Variants in CLEC2D observed in about 807,000 individuals in gnomAD.
CLEC2D encodes C-type lectin domain family 2 member D.
Under a neutral mutation model 20.0 loss-of-function variants are expected in CLEC2D, and 16 were observed. That is an observed-to-expected ratio of 0.80 (90% CI 0.54 to 1.22). The LOEUF is 1.22. CLEC2D is among the 50% of genes most tolerant of loss of function. The probability of loss-of-function intolerance (pLI) is 0.00; values close to 1 mark genes in which losing one functional copy is unlikely to be tolerated. For synonymous variants in CLEC2D, 77 were observed against 71.1 expected (o/e 1.08, Z -0.42); for missense variants, 207 against 221.5 (o/e 0.93, Z 0.42).
At position 9,695,409 on chromosome 12, in the gene CLEC2D, T is replaced by G; in HGVS notation, c.*535T>G. On this transcript the variant is annotated 3_prime_UTR_variant, in exon 5 of 5. Transcript: ENST00000290855. ...ATGGAAGATTCGATGGACATGGACATGAGCCCCCTGAGGCCCCAGAACTAT... is the reference window on the plus strand; with the variant it reads ...ATGGAAGATTCGATGGACATGGACAGGAGCCCCCTGAGGCCCCAGAACTAT... 6.7e-7 allele frequency: 1 copy of G among 1,484,288 alleles called. No homozygotes were observed. The highest frequency in any genetic ancestry group is 9.3e-7 in the Non-Finnish European group (1 of 1,079,108). 91.9% of individuals were successfully genotyped at this position (1,484,288 alleles called of 1,614,324 possible).
chr12:9,687,583 C>G (rs1865776174), intron 2 of CLEC2D, among the ~76,000 whole-genome samples: 1 of 152,180 alleles, frequency 6.6e-6, no homozygotes, highest in Non-Finnish European at 1.5e-5. Context: ...CAAATGCTAT[C>G]ATTAATGTAT....
chr12:9,690,897 G>A (rs1865847281), intron 3 of CLEC2D, among the ~76,000 whole-genome samples: 1 of 152,018 alleles, frequency 6.6e-6, no homozygotes, highest in Non-Finnish European at 1.5e-5. Context: ...AGTAAATCTT[G>A]TTTTAGTAAT....
chr12:9,675,103 G>T (rs1311683018), intron 1 of CLEC2D, among the ~76,000 whole-genome samples: 1 of 151,662 alleles, frequency 6.6e-6, no homozygotes, highest in Non-Finnish European at 1.5e-5. Context: ...GTTTATGAAA[G>T]ATCAGTTGAC....
chr12:9,681,382 A>C (rs1865632423), intron 2 of CLEC2D, among the ~76,000 whole-genome samples: 1 of 152,210 alleles, frequency 6.6e-6, no homozygotes, highest in African/African-American at 2.4e-5. Flanking sequence ...TGTTTCATGA[A>C]AAATAGCAAA....
chr12:9,672,420 T>C (rs114061719), intron 1 of CLEC2D, among the ~76,000 whole-genome samples: 1 of 152,320 alleles, frequency 6.6e-6, no homozygotes, highest in African/African-American at 2.4e-5. Flanking sequence ...TAACCTACAT[T>C]GGCATATTGT....
At chr12:9,670,630 C>G (rs201474680) in intron 1 of CLEC2D, among the ~76,000 whole-genome samples, 1 of 152,138 alleles carries the variant, frequency 6.6e-6, no homozygotes, top group African/African-American at 2.4e-5. Context: ...TCTTCATATA[C>G]TGTGTAATTT....
intron 2 of CLEC2D, among the ~76,000 whole-genome samples, chr12:9,686,123 T>C (rs1395760777): frequency 6.6e-6 from 1 of 151,622 alleles, no homozygotes; most frequent in African/African-American, 2.4e-5. Context: ...CCCCTTGTGC[T>C]TCCTGGGTGA....
Position 9,694,877 on chromosome 12 carries a change from G to T in CLEC2D, c.*3G>T. Reference sequence around the variant, plus strand: ...CCAAATCAGATATACATGTCTAGATGTTACAGCAAAGCCCCAACTAATCTT... The same window carrying T: ...CCAAATCAGATATACATGTCTAGATTTTACAGCAAAGCCCCAACTAATCTT... On this transcript the variant is annotated 3_prime_UTR_variant, in exon 5 of 5. Coordinates refer to ENST00000290855, the MANE Select transcript of CLEC2D (RefSeq NM_013269.6). 1.3e-6 allele frequency: 2 copies of T among 1,496,950 alleles called. No individual in the cohort carries two copies. The highest frequency in any genetic ancestry group is 2.3e-5 in the East Asian group (1 of 44,282). 92.7% of individuals were successfully genotyped at this position (1,496,950 alleles called of 1,614,324 possible).
intron 3 of CLEC2D, among the ~76,000 whole-genome samples, chr12:9,689,427 T>C (rs990639979): frequency 6.6e-5 from 10 of 151,998 alleles, no homozygotes; most frequent in Admixed American, 3.9e-4. Context: ...AATGTCCAGT[T>C]CTCAAAAAAA....
At position 9,694,963 on chromosome 12, in the gene CLEC2D, C is replaced by G; in HGVS notation, c.*89C>G. ...ATGAGCAAAGAATTTATTTCTTATA[C>G]CAACAGGTATATGAAAATATGCTCA... On this transcript the variant is annotated 3_prime_UTR_variant, in exon 5 of 5. Coordinates refer to ENST00000290855, the MANE Select transcript of CLEC2D (RefSeq NM_013269.6). 1.4e-6 allele frequency: 1 copy of G among 697,024 alleles called. No homozygotes were observed. Among genetic ancestry groups the G allele is most frequent in the Non-Finnish European group, 2.6e-6 (1 of 387,984 alleles). 43.2% of individuals were successfully genotyped at this position (697,024 alleles called of 1,614,324 possible).
intron 2 of CLEC2D, among the ~76,000 whole-genome samples, chr12:9,683,185 G>T (rs1465020521): frequency 1.3e-5 from 2 of 151,948 alleles, no homozygotes; most frequent in African/African-American, 4.8e-5. Context: ...CCCATTTTTT[G>T]ATAGGGTTTT....
At chr12:9,683,832 C>A (rs1224748140) in intron 2 of CLEC2D, among the ~76,000 whole-genome samples, 1 of 150,230 alleles carries the variant, frequency 6.7e-6, no homozygotes, top group Admixed American at 6.6e-5. Context: ...GTTCTTTTTG[C>A]TTAGGATTGT....
chr12:9,685,008 A>T (rs998853840), intron 2 of CLEC2D, among the ~76,000 whole-genome samples: 2 of 152,104 alleles, frequency 1.3e-5, no homozygotes, highest in South Asian at 4.1e-4. Flanking sequence ...TTGTCTGGAC[A>T]TGGGCTTGTT....
intron 2 of CLEC2D, among the ~76,000 whole-genome samples, chr12:9,685,683 G>A (rs1188446341): frequency 2.0e-5 from 3 of 152,186 alleles, no homozygotes; most frequent in African/African-American, 4.8e-5. Flanking sequence ...TCAAGCCTCA[G>A]TAATGGCGGA....
At chr12:9,686,700 A>T (rs867066112) in intron 2 of CLEC2D, among the ~76,000 whole-genome samples, 1 of 152,182 alleles carries the variant, frequency 6.6e-6, no homozygotes, top group African/African-American at 2.4e-5. Context: ...ACTGGTAGCT[A>T]CTAGGGGCTC....
chr12:9,695,566 G>A lies in CLEC2D; in HGVS notation c.*692G>A, dbSNP rs1334807036. The A allele has an allele frequency of 2.1e-6, 3 of 1,415,220 alleles. No homozygotes were observed. The highest frequency in any genetic ancestry group is 3.0e-6 in the Non-Finnish European group (3 of 1,014,510). The allele number at this position is 1,415,220 out of a possible 1,614,324, so 87.7% of individuals were successfully genotyped here. A position where few individuals can be genotyped will look rare whatever the true frequency, so the allele number is the denominator to read the frequency against. ...AAAGGATGAACTGCACATTGTTGAA[G>A]CAGAGGCCATGAATGACGAAGGCAG... is the stretch of plus-strand genomic sequence containing the variant. On this transcript the variant is annotated 3_prime_UTR_variant, in exon 5 of 5. Coordinates refer to ENST00000290855, the MANE Select transcript of CLEC2D (RefSeq NM_013269.6).
chr12:9,694,010 C>T (rs1865924473), intron 4 of CLEC2D: 3 of 262,278 alleles, frequency 1.1e-5, no homozygotes, highest in Admixed American at 6.8e-5. Context: ...GATGGGGTCT[C>T]ACTATGTTGC....
At chr12:9,676,705 T>G (rs1865526078) in intron 1 of CLEC2D, among the ~76,000 whole-genome samples, 1 of 152,204 alleles carries the variant, frequency 6.6e-6, no homozygotes, top group Non-Finnish European at 1.5e-5. Flanking sequence ...TAAGAAGTAT[T>G]CTCTCGGCTC....
chr12:9,695,798 C>G lies in CLEC2D; in HGVS notation c.*924C>G. On this transcript the variant is annotated 3_prime_UTR_variant, in exon 5 of 5. Coordinates refer to ENST00000290855, the MANE Select transcript of CLEC2D (RefSeq NM_013269.6). Reference sequence around the variant, plus strand: ...GAGGATGTGAAACTCTTAAGTATATCTGGAAAGCAGTCTGCCCCTGGAGGT... The same window carrying G: ...GAGGATGTGAAACTCTTAAGTATATGTGGAAAGCAGTCTGCCCCTGGAGGT... 1 of 1,300,424 alleles carries G rather than the reference C, an allele frequency of 7.7e-7. No homozygotes were observed. The highest frequency in any genetic ancestry group is 1.1e-6 in the Non-Finnish European group (1 of 908,650). The allele number at this position is 1,300,424 out of a possible 1,614,324, so 80.6% of individuals were successfully genotyped here. A position where few individuals can be genotyped will look rare whatever the true frequency, so the allele number is the denominator to read the frequency against.
Sources: allele counts gnomAD v4.1 joint callset (sites outside exome capture counted in the v4.1 genomes callset), GRCh38; gene constraint gnomAD v4.1.1; transcripts MANE v1.5; gene names NCBI Gene and HGNC (gene_info 2026-07-23, HGNC 2026-07-21).